Variants in PTCSC3 observed in about 807,000 individuals in gnomAD.
PTCSC3 encodes papillary thyroid carcinoma susceptibility candidate 3.
chr14:36,141,957 T>C (rs1881431903), intron 3 of PTCSC3, among the ~76,000 whole-genome samples: 2 of 152,224 alleles, frequency 1.3e-5, no homozygotes, highest in South Asian at 2.1e-4. Flanking sequence ...TAGACAATCA[T>C]GTCATATGTG....
intron 1 of PTCSC3, among the ~76,000 whole-genome samples, chr14:36,169,449 A>G (rs2774166): frequency 0.55 from 83,226 of 151,906 alleles, 24,484 homozygotes; most frequent in Non-Finnish European, 0.66. Flanking sequence ...AAATGGATTC[A>G]GGTACAATCA....
At chr14:36,150,397 G>C (rs1881693807) in intron 3 of PTCSC3, among the ~76,000 whole-genome samples, 1 of 152,184 alleles carries the variant, frequency 6.6e-6, no homozygotes, top group Admixed American at 6.5e-5. Flanking sequence ...AAACCAAAAA[G>C]TGTGCTCGCA....
chr14:36,159,686 G>T (rs1881911286), intron 2 of PTCSC3, among the ~76,000 whole-genome samples: 1 of 152,202 alleles, frequency 6.6e-6, no homozygotes, highest in African/African-American at 2.4e-5. Context: ...TTTAGAATAA[G>T]TGCTATGTGA....
intron 3 of PTCSC3, among the ~76,000 whole-genome samples, chr14:36,146,823 G>C (rs1881584294): frequency 6.6e-6 from 1 of 152,080 alleles, no homozygotes; most frequent in African/African-American, 2.4e-5. Context: ...TCCATATTTA[G>C]TGCTTCCTTC....
intron 3 of PTCSC3, among the ~76,000 whole-genome samples, chr14:36,142,992 A>C (rs926377005): frequency 1.3e-5 from 2 of 151,958 alleles, no homozygotes; most frequent in Non-Finnish European, 2.9e-5. Context: ...TGAACTCATC[A>C]TTTTTTATGG....
intron 1 of PTCSC3, among the ~76,000 whole-genome samples, chr14:36,174,616 A>G (rs1455382625): frequency 6.6e-6 from 1 of 151,966 alleles, no homozygotes; most frequent in Non-Finnish European, 1.5e-5. Flanking sequence ...ATGGCTTATT[A>G]CTTTAACTTG....
At chr14:36,147,934 G>T (rs1346574205) in intron 3 of PTCSC3, among the ~76,000 whole-genome samples, 1 of 152,102 alleles carries the variant, frequency 6.6e-6, no homozygotes, top group Non-Finnish European at 1.5e-5. Flanking sequence ...TGAGGTGTCA[G>T]TGTGCCCCTG....
At chr14:36,141,827 A>G (rs1286873949) in intron 3 of PTCSC3, among the ~76,000 whole-genome samples, 1 of 152,202 alleles carries the variant, frequency 6.6e-6, no homozygotes, top group African/African-American at 2.4e-5. Context: ...TGAATTTCAA[A>G]TTCCAATTGT....
intron 2 of PTCSC3, among the ~76,000 whole-genome samples, chr14:36,154,651 G>A (rs968193575): frequency 1.3e-5 from 2 of 152,108 alleles, no homozygotes; most frequent in Non-Finnish European, 2.9e-5. Flanking sequence ...TCTGACTGGG[G>A]TTGTGTGGTT....
intron 1 of PTCSC3, among the ~76,000 whole-genome samples, chr14:36,168,609 T>C (rs78779844): frequency 0.03 from 4,491 of 151,248 alleles, 170 homozygotes; most frequent in Admixed American, 0.11. Context: ...GAAAGAAAGG[T>C]TTTTAATAAA....
At chr14:36,163,997 GCAC>G (rs950006419) in intron 1 of PTCSC3, 6 of 152,260 alleles carry the variant, frequency 3.9e-5, no homozygotes, top group African/African-American at 1.4e-4. Flanking sequence ...AAATATATAT[GCAC>G]CACATAGATG....
intron 1 of PTCSC3, among the ~76,000 whole-genome samples, chr14:36,167,802 A>G (rs914146458): frequency 3.3e-5 from 5 of 152,200 alleles, no homozygotes; most frequent in African/African-American, 9.7e-5. Flanking sequence ...AAACGCTCCA[A>G]TTAAATGGGA....
intron 1 of PTCSC3, among the ~76,000 whole-genome samples, chr14:36,169,857 A>G (rs1882161944): frequency 6.6e-6 from 1 of 152,156 alleles, no homozygotes; most frequent in Admixed American, 6.6e-5. Flanking sequence ...AGAAGATACA[A>G]CAATCCTTGC....
chr14:36,149,315 T>C (rs950580799), intron 3 of PTCSC3, among the ~76,000 whole-genome samples: 10 of 152,222 alleles, frequency 6.6e-5, no homozygotes, highest in African/African-American at 2.4e-4. Context: ...TATTGATTTC[T>C]ATTTTAATTC....
At chr14:36,165,889 C>G (rs1044480626) in intron 1 of PTCSC3, among the ~76,000 whole-genome samples, 4 of 152,102 alleles carry the variant, frequency 2.6e-5, no homozygotes, top group African/African-American at 9.7e-5. Flanking sequence ...CATTTGAAAA[C>G]TTGCTTAGCG....
At chr14:36,145,480 C>T (rs1216476412) in intron 3 of PTCSC3, among the ~76,000 whole-genome samples, 30 of 149,088 alleles carry the variant, frequency 2.0e-4, no homozygotes, top group African/African-American at 4.7e-4. Context: ...GATGGTAGTT[C>T]GTATTTCTGT....
At chr14:36,160,204 T>C (rs1440848819) in intron 2 of PTCSC3, among the ~76,000 whole-genome samples, 1 of 152,228 alleles carries the variant, frequency 6.6e-6, no homozygotes, top group Admixed American at 6.5e-5. Context: ...TGTCTTTTAA[T>C]TGGGGCATTT....
At chr14:36,156,283 C>T (rs192629387) in intron 2 of PTCSC3, among the ~76,000 whole-genome samples, 3 of 152,092 alleles carry the variant, frequency 2.0e-5, no homozygotes, top group African/African-American at 7.2e-5. Context: ...CATGCACACA[C>T]GCTGATGTTT....
At chr14:36,163,267 A>G (rs1466379411) in intron 1 of PTCSC3, among the ~76,000 whole-genome samples, 4 of 152,048 alleles carry the variant, frequency 2.6e-5, no homozygotes, top group Non-Finnish European at 5.9e-5. Context: ...AATGGGGAGA[A>G]ATTAATTAAA....
Sources: allele counts gnomAD v4.1 joint callset (sites outside exome capture counted in the v4.1 genomes callset), GRCh38; gene constraint gnomAD v4.1.1; transcripts MANE v1.5; gene names NCBI Gene and HGNC (gene_info 2026-07-23, HGNC 2026-07-21).